Variants in NXPH1 observed in about 807,000 individuals in gnomAD.
NXPH1 encodes the protein neurexophilin 1.
A neutral mutation model predicts 23.7 loss-of-function variants in NXPH1; 5 were observed. The observed-to-expected ratio is 0.21, with a 90% CI of 0.11 to 0.44. The LOEUF is 0.44. Ranked by LOEUF, NXPH1 falls within the 20% of genes least tolerant of loss-of-function variation. The pLI is 0.99. For missense variants in NXPH1, 324 were observed against 321.6 expected (o/e 1.01, Z -0.06); for synonymous variants, 144 against 122.2 (o/e 1.18, Z -1.18).
At chr7:8,660,788 T>C (rs1820658066) in intron 2 of NXPH1, among the ~76,000 whole-genome samples, 1 of 152,208 alleles carries the variant, frequency 6.6e-6, no homozygotes, top group Admixed American at 6.5e-5. Context: ...TTTATGACAC[T>C]GTACAAGAAC....
chr7:8,601,644 G>A (rs1562420929), intron 2 of NXPH1, among the ~76,000 whole-genome samples: 2 of 152,142 alleles, frequency 1.3e-5, no homozygotes, highest in South Asian at 2.1e-4. Context: ...CCCATAAGAG[G>A]TACATCTACT....
chr7:8,619,105 A>T (rs1416340818), intron 2 of NXPH1, among the ~76,000 whole-genome samples: 1 of 152,164 alleles, frequency 6.6e-6, no homozygotes, highest in Non-Finnish European at 1.5e-5. Context: ...TGAGAACTTG[A>T]GCTTGATTTT....
chr7:8,463,630 A>G (rs998185999), intron 2 of NXPH1, among the ~76,000 whole-genome samples: 1 of 151,892 alleles, frequency 6.6e-6, no homozygotes, highest in Non-Finnish European at 1.5e-5. Context: ...ATTTTCTTAG[A>G]TTAAAAAATA....
intron 2 of NXPH1, among the ~76,000 whole-genome samples, chr7:8,616,261 CTT>C (rs1819735899): frequency 6.9e-6 from 1 of 144,134 alleles, no homozygotes; most frequent in Non-Finnish European, 1.5e-5. Flanking sequence ...ATTTTGAAGT[CTT>C]TTGATCTTGT....
chr7:8,576,006 C>T (rs917422439), intron 2 of NXPH1, among the ~76,000 whole-genome samples: 5 of 152,156 alleles, frequency 3.3e-5, no homozygotes, highest in Non-Finnish European at 5.9e-5. Context: ...TCTGTAAAAA[C>T]TTCCCATCTC....
At chr7:8,464,534 T>A (rs1451015498) in intron 2 of NXPH1, among the ~76,000 whole-genome samples, 1 of 152,116 alleles carries the variant, frequency 6.6e-6, no homozygotes, top group Non-Finnish European at 1.5e-5. Context: ...CAATCTTTTG[T>A]CTGCTCCCTA....
chr7:8,742,483 G>T (rs866378342), intron 2 of NXPH1, among the ~76,000 whole-genome samples: 2 of 151,858 alleles, frequency 1.3e-5, no homozygotes, highest in Non-Finnish European at 2.9e-5. Context: ...AAATAAAGGT[G>T]ATGTGCATTG....
chr7:8,638,723 T>C (rs1045984992), intron 2 of NXPH1, among the ~76,000 whole-genome samples: 6 of 152,320 alleles, frequency 3.9e-5, no homozygotes, highest in Admixed American at 6.5e-5. Context: ...TTATTGTGTT[T>C]AATGTTTCAA....
intron 2 of NXPH1, among the ~76,000 whole-genome samples, chr7:8,535,838 T>G (rs17150761): frequency 0.27 from 41,218 of 151,936 alleles, 6,903 homozygotes; most frequent in Admixed American, 0.41. Context: ...TGTGAAAATA[T>G]TAAGGCAATA....
At chr7:8,525,835 C>A (rs1022752715) in intron 2 of NXPH1, among the ~76,000 whole-genome samples, 1 of 152,200 alleles carries the variant, frequency 6.6e-6, no homozygotes, top group African/African-American at 2.4e-5. Context: ...TGTCCAGATG[C>A]CCAGGCAAAA....
At chr7:8,547,611 T>G (rs146991837) in intron 2 of NXPH1, among the ~76,000 whole-genome samples, 288 of 151,538 alleles carry the variant, frequency 1.9e-3, no homozygotes, top group African/African-American at 6.7e-3. Flanking sequence ...ATATTGTATC[T>G]GTTGCCCCTA....
At chr7:8,604,585 A>C (rs1331190926) in intron 2 of NXPH1, among the ~76,000 whole-genome samples, 1 of 152,138 alleles carries the variant, frequency 6.6e-6, no homozygotes, top group Non-Finnish European at 1.5e-5. Flanking sequence ...TATAATTTTC[A>C]GTCAAACTTT....
chr7:8,674,794 G>A (rs1025234465), intron 2 of NXPH1, among the ~76,000 whole-genome samples: 1 of 151,898 alleles, frequency 6.6e-6, no homozygotes, highest in Non-Finnish European at 1.5e-5. Context: ...CATGCTCTCT[G>A]GAGGCCTATC....
chr7:8,616,849 A>T (rs1819750875), intron 2 of NXPH1, among the ~76,000 whole-genome samples: 1 of 127,214 alleles, frequency 7.9e-6, no homozygotes. Flanking sequence ...GATCAAGTTT[A>T]TGTTAAAAAA....
At chr7:8,521,717 G>A (rs903815672) in intron 2 of NXPH1, among the ~76,000 whole-genome samples, 1 of 152,166 alleles carries the variant, frequency 6.6e-6, no homozygotes, top group African/African-American at 2.4e-5. Context: ...TTGACTGATT[G>A]AATGTTAAAT....
chr7:8,574,355 C>A (rs1040696070), intron 2 of NXPH1, among the ~76,000 whole-genome samples: 1 of 152,066 alleles, frequency 6.6e-6, no homozygotes, highest in Non-Finnish European at 1.5e-5. Flanking sequence ...CTCCAGCGAT[C>A]CTCCTGCCTC....
At chr7:8,589,902 T>A (rs1359773197) in intron 2 of NXPH1, among the ~76,000 whole-genome samples, 1 of 152,070 alleles carries the variant, frequency 6.6e-6, no homozygotes, top group Non-Finnish European at 1.5e-5. Flanking sequence ...TTTAACTTTA[T>A]TAAAATAAAA....
chr7:8,641,752 A>G (rs2082044737), intron 2 of NXPH1, among the ~76,000 whole-genome samples: 1 of 152,094 alleles, frequency 6.6e-6, no homozygotes, highest in African/African-American at 2.4e-5. Flanking sequence ...CACTATTTTG[A>G]TTATGTCCAT....
chr7:8,752,664 G>A lies in NXPH1; in HGVS notation c.*895G>A, dbSNP rs927528862. ...TCAATATCCTAGTCTTCATTTGTAT[G>A]AATGGTTTGTATTGTACATAGTTTA... On this transcript the variant is annotated 3_prime_UTR_variant, in exon 3 of 3. Transcript: ENST00000405863. The A allele has an allele frequency of 1.3e-5, 2 of 152,456 alleles. No homozygotes were observed. Among genetic ancestry groups the A allele is most frequent in the African/African-American group, 4.8e-5 (2 of 41,418 alleles). The allele number at this position is 152,456 out of a possible 1,614,324, so 9.4% of individuals were successfully genotyped here. A position where few individuals can be genotyped will look rare whatever the true frequency, so the allele number is the denominator to read the frequency against.
Sources: gnomAD v4.1 joint callset for allele counts (sites outside exome capture counted in the v4.1 genomes callset) on GRCh38, gnomAD v4.1.1 for gene constraint, MANE v1.5 for transcripts, NCBI Gene and HGNC (gene_info 2026-07-23, HGNC 2026-07-21) for gene names.